KLHL6: variants seen among roughly 807,000 people sequenced by gnomAD.
KLHL6 encodes the protein kelch like family member 6, also known as kelch-like protein 6.
Under a neutral mutation model 58.6 loss-of-function variants are expected in KLHL6, and 41 were observed. The observed-to-expected ratio is 0.70, with a 90% confidence interval of 0.55 to 0.91. The LOEUF is 0.91. KLHL6 is among the 40% of genes least tolerant of loss of function. KLHL6 has a pLI of 0.00. For synonymous variants in KLHL6, 338 were observed against 322.7 expected, an observed-to-expected ratio of 1.05 and a Z score of -0.51; for missense variants, 714 against 805.6, an observed-to-expected ratio of 0.89 and a Z score of 1.38.
At chr3:183,534,069 C>A (rs553571527) in intron 1 of KLHL6, among the ~76,000 whole-genome samples, 2 of 5,832 alleles carry the variant, frequency 3.4e-4, no homozygotes, top group East Asian at 0.023. Flanking sequence ...ACCGTAATCA[C>A]CAGCCTTTAA....
Position 183,499,756 on chromosome 3 carries a change from G to A in KLHL6, c.981C>T (p.Cys327=). 1 of 1,609,668 alleles carries A rather than the reference G, an allele frequency of 6.2e-7. No individual in the cohort carries two copies. The highest frequency in any genetic ancestry group is 1.3e-5 in the African/African-American group (1 of 75,034). ...QSEVFMIIGG[C]TKDERFVAEV... ...CTGCCACAAACCGTTCATCCTTCGT[G>A]CAGCCGCCAATGATCATGAACACCT... Residue 327 remains cysteine, a synonymous_variant, in exon 4 of 7, where the codon TGC becomes TGT. Transcript: ENST00000341319. This position sits in a 1 kb window ranked among gnomAD's most constrained non-coding sequence, Gnocchi z 4.6.
At chr3:183,497,187 G>A (rs189553976) in intron 4 of KLHL6, among the ~76,000 whole-genome samples, 14 of 152,254 alleles carry the variant, frequency 9.2e-5, no homozygotes, top group Admixed American at 5.9e-4. Context: ...CAAAGCAGGC[G>A]GATAACCTGA....
At chr3:183,496,028 A>T (rs1217998568) in intron 4 of KLHL6, among the ~76,000 whole-genome samples, 6 of 152,214 alleles carry the variant, frequency 3.9e-5, no homozygotes, top group Non-Finnish European at 8.8e-5. Flanking sequence ...AGTAACTGGA[A>T]AATGTATAGG....
chr3:183,494,014 A>C (rs1022567615), intron 5 of KLHL6, 65 bp downstream of exon 5: 14 of 1,460,478 alleles, frequency 9.6e-6, no homozygotes, highest in Non-Finnish European at 1.3e-5. Flanking sequence ...GCACGTTCCA[A>C]AGCTTTTTAA....
rs954379525 is a variant in KLHL6, at chr3:183,550,447, A to G, written c.293+4914T>C. On this transcript the variant is annotated intron_variant, in intron 1 of 6. Coordinates refer to ENST00000341319, the MANE Select transcript of KLHL6 (RefSeq NM_130446.4). ...CATACACACACACACACGCACGCACACACACACCCCTCCAAGGCACATCAT... is the reference window on the plus strand; with the variant it reads ...CATACACACACACACACGCACGCACGCACACACCCCTCCAAGGCACATCAT... 4.6e-5 allele frequency among the ~76,000 whole-genome samples: 7 copies of G among 152,164 alleles called. No homozygotes were observed. The South Asian group carries it at 1.5e-3, about 32-fold the overall frequency.
In KLHL6 at chr3:183,534,114, T is replaced by TTTAAAG. The variant is rs1553812567; in HGVS notation, c.294-6105_294-6104insCTTTAA. 9.8e-4 allele frequency among the ~76,000 whole-genome samples: 124 copies of TTTAAAG among 126,258 alleles called. 1 individual carries two copies. Among genetic ancestry groups the TTTAAAG allele is most frequent in the African/African-American group, 3.9e-3 (115 of 29,238 alleles). The allele number at this position is 126,258 out of a possible 152,430, so 82.8% of individuals were successfully genotyped here. A position where few individuals can be genotyped will look rare whatever the true frequency, so the allele number is the denominator to read the frequency against. On this transcript the variant is annotated intron_variant, in intron 1 of 6. Coordinates refer to ENST00000341319, the MANE Select transcript of KLHL6 (RefSeq NM_130446.4). The stretch of plus-strand genomic sequence containing the variant: ...ACTTTTAAAGTACTTTAAAAGTACT[T>TTTAAAG]TACTTTTAAAGTACTTTGTACTTTT...
rs35902105 is a variant in KLHL6 at position 183,530,830 on chromosome 3, A to AT, written c.294-2821dup. The stretch of plus-strand genomic sequence containing the variant: ...ATGAGGTACTCAGCTGTGAACATGC[A>AT]TTTTTTTTTTTTTTTTTTTGAGACA... On this transcript the variant is annotated intron_variant, in intron 1 of 6. Coordinates refer to ENST00000341319, the MANE Select transcript of KLHL6 (RefSeq NM_130446.4). Among the ~76,000 whole-genome samples the AT allele has an allele frequency of 4.9e-3, 613 of 123,958 alleles. 6 individuals carry two copies. The highest frequency in any genetic ancestry group is 0.017 in the South Asian group (66 of 3,846). The allele number at this position is 123,958 out of a possible 152,430, so 81.3% of individuals were successfully genotyped here.
At chr3:183,493,814 C>T (rs1275113220) in intron 5 of KLHL6, 3 of 483,284 alleles carry the variant, frequency 6.2e-6, no homozygotes, top group Non-Finnish European at 1.1e-5. Context: ...GGGTGAGCCT[C>T]TGTGCACATC....
At chr3:183,524,894 T>C (rs1711898077) in intron 2 of KLHL6, among the ~76,000 whole-genome samples, 1 of 152,258 alleles carries the variant, frequency 6.6e-6, no homozygotes, top group South Asian at 2.1e-4. Context: ...CACTTTTCTC[T>C]ACCTATAACC....
At chr3:183,543,497 A>T (rs1712620572) in intron 1 of KLHL6, among the ~76,000 whole-genome samples, 1 of 152,178 alleles carries the variant, frequency 6.6e-6, no homozygotes, top group African/African-American at 2.4e-5. Context: ...TGAGTTTTAA[A>T]GACACTGCTA....
Position 183,523,905 on chromosome 3 carries a change from G to C in KLHL6, c.459+3940C>G, listed in dbSNP as rs544497639. Among the ~76,000 whole-genome samples the C allele has an allele frequency of 6.5e-4, 99 of 151,914 alleles. 1 individual carries two copies. The highest frequency in any genetic ancestry group is 2.3e-3 in the African/African-American group (97 of 41,406). On this transcript the variant is annotated intron_variant, in intron 2 of 6. Coordinates refer to ENST00000341319, the MANE Select transcript of KLHL6 (RefSeq NM_130446.4). ...CTCCTGAGTAGCTGGGATTACAGGC[G>C]CCCACCACCACACCTGGCTAATTTT...
intron 2 of KLHL6, among the ~76,000 whole-genome samples, chr3:183,519,849 T>C (rs188270549): frequency 2.0e-5 from 3 of 147,726 alleles, no homozygotes; most frequent in African/African-American, 7.5e-5. Flanking sequence ...TGAGCTATGA[T>C]TGTGCCACTG....
At position 183,489,656 on chromosome 3, in the gene KLHL6, T is replaced by C. The variant is rs1329020040; in HGVS notation, c.*2271A>G. Reference sequence around the variant, plus strand: ...TATTATAGTGCTCATGAGTCAGCAATAGTTTGTTCTAAAATTCCACAAATA... The same window carrying C: ...TATTATAGTGCTCATGAGTCAGCAACAGTTTGTTCTAAAATTCCACAAATA... On this transcript the variant is annotated 3_prime_UTR_variant, in exon 7 of 7. Coordinates refer to ENST00000341319, the MANE Select transcript of KLHL6 (RefSeq NM_130446.4). 6.6e-6 allele frequency: 1 copy of C among 152,204 alleles called. No individual in the cohort carries two copies. The allele number at this position is 152,204 out of a possible 1,614,324, so 9.4% of individuals were successfully genotyped here. A position where few individuals can be genotyped will look rare whatever the true frequency, so the allele number is the denominator to read the frequency against.
At position 183,499,896 on chromosome 3, in the gene KLHL6, T is replaced by G; in HGVS notation, c.910-69A>C. On this transcript the variant is annotated intron_variant, in intron 3 of 6. Coordinates refer to ENST00000341319, the MANE Select transcript of KLHL6 (RefSeq NM_130446.4). The surrounding 1 kb of genome is among the most constrained non-coding windows in gnomAD (Gnocchi z 4.6). ...TTTCAGAGCTCGGGCTATGGAGCCATTAGGAGTCGGGTCCAATTCCCATAT... is the reference window on the plus strand; with the variant it reads ...TTTCAGAGCTCGGGCTATGGAGCCAGTAGGAGTCGGGTCCAATTCCCATAT... 8.1e-7 allele frequency: 1 copy of G among 1,238,898 alleles called. No individual in the cohort carries two copies. The highest frequency in any genetic ancestry group is 1.1e-6 in the Non-Finnish European group (1 of 903,530). The allele number at this position is 1,238,898 out of a possible 1,614,324, so 76.7% of individuals were successfully genotyped here. A position where few individuals can be genotyped will look rare whatever the true frequency, so the allele number is the denominator to read the frequency against.
chr3:183,530,281 A>G (rs987214074), intron 1 of KLHL6, among the ~76,000 whole-genome samples: 1 of 152,192 alleles, frequency 6.6e-6, no homozygotes, highest in Non-Finnish European at 1.5e-5. Context: ...GATTGCCACA[A>G]ATAGGATGTT....
chr3:183,544,749 AACACACAC>A (rs36060782), intron 1 of KLHL6: 1,749 of 114,778 alleles, frequency 0.015, 51 homozygotes, highest in East Asian at 0.15. Context: ...CTGTCTCTCA[AACACACAC>A]ACACACACAC....
chr3:183,497,237 C>T (rs556819415), intron 4 of KLHL6, among the ~76,000 whole-genome samples: 1 of 152,298 alleles, frequency 6.6e-6, no homozygotes, highest in Non-Finnish European at 1.5e-5. Flanking sequence ...CATGGTGAAA[C>T]CCCCTCTCTA....
chr3:183,493,751 G>A lies in KLHL6; in HGVS notation c.1350+328C>T, dbSNP rs1717636598. Reference sequence around the variant, plus strand: ...GAATAGGAGAGAAGGCATCTGAGGAGACAAGACTCTACACCAAGACATGCA... The same window carrying A: ...GAATAGGAGAGAAGGCATCTGAGGAAACAAGACTCTACACCAAGACATGCA... On this transcript the variant is annotated intron_variant, in intron 5 of 6. Coordinates refer to ENST00000341319, the MANE Select transcript of KLHL6 (RefSeq NM_130446.4). 7.0e-5 allele frequency: 24 copies of A among 343,932 alleles called. No homozygotes were observed. The South Asian group carries it at 7.9e-4, about 11-fold the overall frequency. 21.3% of individuals were successfully genotyped at this position (343,932 alleles called of 1,614,324 possible).
chr3:183,523,905 G>A (rs544497639), intron 2 of KLHL6, among the ~76,000 whole-genome samples: 5 of 151,916 alleles, frequency 3.3e-5, no homozygotes, highest in Non-Finnish European at 7.4e-5. Context: ...GATTACAGGC[G>A]CCCACCACCA....
Sources: allele counts gnomAD v4.1 joint callset (sites outside exome capture counted in the v4.1 genomes callset), GRCh38; gene constraint gnomAD v4.1.1; non-coding constraint Gnocchi (gnomAD v3.1); transcripts MANE v1.5; gene names NCBI Gene and HGNC (gene_info 2026-07-23, HGNC 2026-07-21).